RHBDD2: variants seen among roughly 807,000 people sequenced by gnomAD.
RHBDD2 encodes the protein rhomboid domain-containing protein 2.
RHBDD2 carries 13 observed loss-of-function variants against 21.7 expected under a neutral mutation model. The observed-to-expected ratio is 0.60, with a 90% CI of 0.39 to 0.95. RHBDD2 has a LOEUF of 0.95. Ranked by LOEUF, RHBDD2 falls within the 40% of genes least tolerant of loss-of-function variation. The pLI, the probability that RHBDD2 is intolerant of heterozygous loss-of-function variation, is 0.00. For missense variants in RHBDD2, 473 were observed against 478.9 expected, an observed-to-expected ratio of 0.99 and a Z score of 0.11; for synonymous variants, 225 against 220.0, an observed-to-expected ratio of 1.02 and a Z score of -0.20.
Position 75,888,295 on chromosome 7 carries a change from G to C in RHBDD2, c.1041G>C (p.Leu347Phe). 6.2e-7 allele frequency: 1 copy of C among 1,613,036 alleles called. No homozygotes were observed. Among genetic ancestry groups the C allele is most frequent in the South Asian group, 1.1e-5 (1 of 91,084 alleles). The change falls in exon 4 of 4, where the codon TTG (leucine) becomes TTC (phenylalanine). Residue 347 changes from leucine (L) to phenylalanine (F), a missense_variant. Transcript: ENST00000006777. ...NSPGTVYSGALGTPGAAGSKE... is the reference protein window; with the variant it reads ...NSPGTVYSGAFGTPGAAGSKE... Reference sequence around the variant, plus strand: ...CTGGCACGGTGTATTCTGGGGCCTTGGGCACACCAGGGGCTGCAGGCTCCA... The same window carrying C: ...CTGGCACGGTGTATTCTGGGGCCTTCGGCACACCAGGGGCTGCAGGCTCCA...
intron 3 of RHBDD2, among the ~76,000 whole-genome samples, chr7:75,886,376 GT>G (rs141044289): frequency 0.12 from 18,668 of 152,176 alleles, 1,516 homozygotes; most frequent in South Asian, 0.21. Context: ...AGGACTAGGT[GT>G]TTTGTGGGTT....
intron 3 of RHBDD2, among the ~76,000 whole-genome samples, chr7:75,886,122 C>T (rs868956841): frequency 2.0e-5 from 3 of 152,262 alleles, no homozygotes; most frequent in African/African-American, 7.2e-5. Context: ...CTTTTTGGCC[C>T]GCCACCAGCT....
Position 75,879,039 on chromosome 7 carries a change from A to G in RHBDD2, c.-44A>G, listed in dbSNP as rs1196676443. The G allele has an allele frequency of 1.5e-6, 2 of 1,362,760 alleles. No homozygotes were observed. Among genetic ancestry groups the G allele is most frequent in the Non-Finnish European group, 1.9e-6 (2 of 1,055,338 alleles). 84.4% of individuals were successfully genotyped at this position (1,362,760 alleles called of 1,614,324 possible). On this transcript the variant is annotated 5_prime_UTR_variant, in exon 1 of 4. Coordinates refer to ENST00000006777, the MANE Select transcript of RHBDD2 (RefSeq NM_001040456.3). ...CGCGAGGAGGCGGAAGGAGCAGAGG[A>G]CCGGCAGCCGGCGTCGAGGCGGGGC...
chr7:75,886,542 C>T (rs1241627004), intron 3 of RHBDD2, among the ~76,000 whole-genome samples: 3 of 152,118 alleles, frequency 2.0e-5, no homozygotes, highest in Non-Finnish European at 4.4e-5. Context: ...GGGCCGGGCG[C>T]GGTGGCTCAC....
At chr7:75,879,970 C>T (rs1805221649) in intron 1 of RHBDD2, among the ~76,000 whole-genome samples, 1 of 152,182 alleles carries the variant, frequency 6.6e-6, no homozygotes, top group Admixed American at 6.6e-5. Flanking sequence ...TGCATATCTC[C>T]TGCTGTTTTG....
intron 1 of RHBDD2, 149 bp from the exon 2 acceptor site, chr7:75,881,680 C>G: frequency 1.1e-6 from 1 of 919,774 alleles, no homozygotes; most frequent in South Asian, 1.7e-5. Flanking sequence ...TTGTTGAACG[C>G]ACTGCTTGTA....
intron 3 of RHBDD2, 33 bp downstream of exon 3, chr7:75,883,881 C>A: frequency 1.3e-6 from 2 of 1,543,422 alleles, no homozygotes; most frequent in Non-Finnish European, 1.7e-6. Context: ...GCTGTTAAAT[C>A]TTTTTTAAAA....
intron 1 of RHBDD2, 100 bp downstream of exon 1, chr7:75,879,360 C>G: frequency 8.8e-7 from 1 of 1,139,564 alleles, no homozygotes; most frequent in South Asian, 1.8e-5. Flanking sequence ...CAGGCCTCAC[C>G]GCCAGTCTCC....
At chr7:75,884,148 C>T (rs559063564) in intron 3 of RHBDD2, among the ~76,000 whole-genome samples, 1 of 152,284 alleles carries the variant, frequency 6.6e-6, no homozygotes, top group African/African-American at 2.4e-5. Flanking sequence ...CTGCCTCGGC[C>T]TCCCAAAGTG....
rs1554544554 is a variant in RHBDD2, at chr7:75,888,319, C to T, written c.1065C>T (p.Ser355=). 6.2e-7 allele frequency: 1 copy of T among 1,612,094 alleles called. No homozygotes were observed. The highest frequency in any genetic ancestry group is 1.1e-5 in the South Asian group (1 of 91,078). The part of the protein sequence containing the change: ...GALGTPGAAG[S]KESSRVPMP ...TGGGCACACCAGGGGCTGCAGGCTCCAAGGAGTCCTCCAGGGTCCCCATGC... is the reference window on the plus strand; with the variant it reads ...TGGGCACACCAGGGGCTGCAGGCTCTAAGGAGTCCTCCAGGGTCCCCATGC... Residue 355 remains serine (S), a synonymous_variant, in exon 4 of 4, where the codon TCC becomes TCT. Coordinates refer to ENST00000006777, the MANE Select transcript of RHBDD2 (RefSeq NM_001040456.3).
In RHBDD2 at chr7:75,888,723, GTGTGTCCA is replaced by G. The variant is rs1805853397; in HGVS notation, c.*381_*388del. ...TGCCGTGCTCGTGGTTTCAGTGTCCGTGTGTCCATGTGTCTGCCCTTCAGGAGCTCGCA... is the reference window on the plus strand; with the variant it reads ...TGCCGTGCTCGTGGTTTCAGTGTCCGTGTGTCTGCCCTTCAGGAGCTCGCA... On this transcript the variant is annotated 3_prime_UTR_variant, in exon 4 of 4. Coordinates refer to ENST00000006777, the MANE Select transcript of RHBDD2 (RefSeq NM_001040456.3). 4.0e-6 allele frequency: 1 copy of G among 251,636 alleles called. No individual in the cohort carries two copies. The highest frequency in any genetic ancestry group is 2.2e-5 in the African/African-American group (1 of 44,850). The allele number at this position is 251,636 out of a possible 1,614,324, so 15.6% of individuals were successfully genotyped here.
In RHBDD2 at chr7:75,882,815, C is replaced by G. The variant is rs923363537; in HGVS notation, c.586+579C>G. ...GAAACTTGAGGTTTGTTTCTAAGCT[C>G]TTTTCGGGAGAGTCTAGCATAGCCT... On this transcript the variant is annotated intron_variant, in intron 2 of 3. Transcript: ENST00000006777. Among the ~76,000 whole-genome samples the G allele has an allele frequency of 9.3e-4, 141 of 152,084 alleles. 2 individuals carry two copies. Among genetic ancestry groups the G allele is most frequent in the African/African-American group, 3.3e-3 (138 of 41,418 alleles).
chr7:75,887,443 G>A (rs1477061543), intron 3 of RHBDD2, among the ~76,000 whole-genome samples: 1 of 150,600 alleles, frequency 6.6e-6, no homozygotes, highest in Non-Finnish European at 1.5e-5. Context: ...TCAGCCTTCT[G>A]AGTAGCTGGG....
Position 75,888,341 on chromosome 7 carries a change from A to T in RHBDD2, c.1087A>T (p.Met363Leu). 1.2e-6 allele frequency: 2 copies of T among 1,608,198 alleles called. No homozygotes were observed. The highest frequency in any genetic ancestry group is 1.7e-6 in the Non-Finnish European group (2 of 1,178,184). The change falls in exon 4 of 4, where the codon ATG (methionine) becomes TTG (leucine). Residue 363 changes from methionine to leucine, a missense_variant. Physicochemically the swap from Met to Leu is conservative, Grantham distance 15 (BLOSUM62 2). Coordinates refer to ENST00000006777, the MANE Select transcript of RHBDD2 (RefSeq NM_001040456.3). ...CTCCAAGGAGTCCTCCAGGGTCCCC[A>T]TGCCCTGAGAGAATTTCTAGGGAAG... ...AGSKESSRVP[M>L]P
chr7:75,887,858 C>G (rs922264477), intron 3 of RHBDD2, 134 bp from the exon 4 acceptor site: 1 of 778,478 alleles, frequency 1.3e-6, no homozygotes, highest in East Asian at 2.5e-5. Context: ...CTTTCTCCCA[C>G]TTGGTACTTA....
Position 75,879,119 on chromosome 7 carries a change from T to G in RHBDD2, c.37T>G (p.Leu13Val). 7.1e-7 allele frequency: 1 copy of G among 1,405,884 alleles called. No individual in the cohort carries two copies. Among genetic ancestry groups the G allele is most frequent in the Non-Finnish European group, 9.3e-7 (1 of 1,071,004 alleles). The allele number at this position is 1,405,884 out of a possible 1,614,324, so 87.1% of individuals were successfully genotyped here. ...GGGGCCCGGGTGTCGCAGCTGGTGC[T>G]TGTGTCCCGAGGTGCCATCCGCCAC... ...ASGPGCRSWC[L>V]CPEVPSATFF... is the part of the protein sequence containing the mutation. The change falls in exon 1 of 4, where the codon TTG becomes GTG. Residue 13 changes from leucine to valine, a missense_variant. Coordinates refer to ENST00000006777, the MANE Select transcript of RHBDD2 (RefSeq NM_001040456.3).
chr7:75,880,817 C>T (rs540098777), intron 1 of RHBDD2, among the ~76,000 whole-genome samples: 2 of 152,122 alleles, frequency 1.3e-5, no homozygotes, highest in Admixed American at 6.6e-5. Flanking sequence ...CGTTCAACTC[C>T]TGGAATCAAG....
chr7:75,887,934 A>G, intron 3 of RHBDD2, 58 bp from the exon 4 acceptor site: 7 of 1,450,098 alleles, frequency 4.8e-6, no homozygotes, highest in South Asian at 1.2e-5. Context: ...CAAGCACAAG[A>G]TGCCATGACC....
chr7:75,884,548 T>C (rs1554543390), intron 3 of RHBDD2, among the ~76,000 whole-genome samples: 1 of 152,204 alleles, frequency 6.6e-6, no homozygotes, highest in African/African-American at 2.4e-5. Context: ...CTCCAGGGCA[T>C]GCAGAGGGTG....
Sources: gnomAD v4.1 joint callset for allele counts (sites outside exome capture counted in the v4.1 genomes callset) on GRCh38, gnomAD v4.1.1 for gene constraint, MANE v1.5 for transcripts, NCBI Gene and HGNC (gene_info 2026-07-23, HGNC 2026-07-21) for gene names.